Variants in IWS1 observed in about 807,000 individuals in gnomAD.
The protein encoded by IWS1 is protein IWS1 homolog.
In IWS1, 27 loss-of-function variants were observed where a neutral mutation model predicts 86.7. The ratio of observed to expected loss-of-function variants is 0.31; its 90% CI spans 0.23 to 0.43. The LOEUF is 0.43. IWS1 is among the 20% of genes least tolerant of loss of function. The pLI is 1.00. For synonymous variants in IWS1, 313 were observed against 335.1 expected, an observed-to-expected ratio of 0.93 and a Z score of 0.72; for missense variants, 827 against 1,000.8, an observed-to-expected ratio of 0.83 and a Z score of 2.34.
intron 13 of IWS1, among the ~76,000 whole-genome samples, chr2:127,485,598 T>A (rs1180635483): frequency 1.3e-5 from 2 of 152,188 alleles, no homozygotes; most frequent in African/African-American, 4.8e-5. Flanking sequence ...CAAAAACCTT[T>A]TTCATAAAAA....
intron 8 of IWS1, among the ~76,000 whole-genome samples, chr2:127,493,642 A>G (rs1690350555): frequency 1.3e-5 from 2 of 152,188 alleles, no homozygotes; most frequent in Non-Finnish European, 2.9e-5. Context: ...AAACAAACTC[A>G]AGTTACACAA....
Position 127,503,561 on chromosome 2 carries a change from C to A in IWS1, c.1235G>T (p.Arg412Leu). 2 of 1,587,878 alleles carry A rather than the reference C, an allele frequency of 1.3e-6. No homozygotes were observed. Among genetic ancestry groups the A allele is most frequent in the Admixed American group, 1.8e-5 (1 of 56,934 alleles). The change falls in exon 4 of 14, where the codon CGT becomes CTT. Residue 412 changes from arginine (R) to leucine (L), a missense_variant. Arg to Leu is a moderately radical substitution (Grantham distance 102, BLOSUM62 -2). This residue lies in a region of IWS1 where 548 missense variants were observed against 560.2 expected (regional missense o/e 0.98). Transcript: ENST00000295321. ...AGAGTCATCTGCATCAGAGACAACA[C>A]GACTCTTCTTTGCTGCTGTTGAAAA... ...DEEKASAKKS[R>L]VVSDADDSDS...
At chr2:127,523,937 G>A in intron 1 of IWS1, 146 bp from the exon 2 acceptor site, 1 of 604,760 alleles carries the variant, frequency 1.7e-6, no homozygotes, top group Non-Finnish European at 2.9e-6. Flanking sequence ...TTTGAATAAG[G>A]TAATACAATA....
chr2:127,525,755 C>T (rs1692369086), intron 1 of IWS1, among the ~76,000 whole-genome samples: 1 of 152,208 alleles, frequency 6.6e-6, no homozygotes, highest in African/African-American at 2.4e-5. Context: ...ATGGGTCCTG[C>T]ACTTACGTCC....
At chr2:127,503,260 G>T in intron 4 of IWS1, 127 bp downstream of exon 4, 1 of 679,312 alleles carries the variant, frequency 1.5e-6, no homozygotes, top group Non-Finnish European at 2.5e-6. Context: ...AGTGTGTTCA[G>T]TTCAGGAACT....
rs969319265 is a variant in IWS1, at chr2:127,481,256, T to A, written c.2329-81A>T. On this transcript the variant is annotated intron_variant, in intron 13 of 13. Transcript: ENST00000295321. Reference sequence around the variant, plus strand: ...TGTCTTTCATCTTCTTATAACTGAGTTAGCAACCAGAAGAGCTTCTAGCTC... The same window carrying A: ...TGTCTTTCATCTTCTTATAACTGAGATAGCAACCAGAAGAGCTTCTAGCTC... The A allele has an allele frequency of 3.6e-5, 48 of 1,323,654 alleles. 1 individual carries two copies. In the African/African-American group the frequency reaches 7.0e-4, roughly 19 times the overall value. 82.0% of individuals were successfully genotyped at this position (1,323,654 alleles called of 1,614,324 possible).
At chr2:127,502,779 A>G (rs1690889112) in intron 5 of IWS1, 36 bp downstream of exon 5, 2 of 1,204,830 alleles carry the variant, frequency 1.7e-6, no homozygotes, top group Non-Finnish European at 2.4e-6. Context: ...AAAAAAAAGC[A>G]CAATCAAGGA....
In IWS1 at chr2:127,481,091, C is replaced by A; in HGVS notation, c.2413G>T (p.Ala805Ser). 6.2e-7 allele frequency: 1 copy of A among 1,612,240 alleles called. No homozygotes were observed. Among genetic ancestry groups the A allele is most frequent in the South Asian group, 1.1e-5 (1 of 90,720 alleles). The change falls in exon 14 of 14, where the codon GCA becomes TCA. Residue 805 changes from alanine (A) to serine (S), a missense_variant. By Grantham distance (99) the Ala-to-Ser change is moderately conservative (BLOSUM62 1). Around this residue, in one of 2 missense-constraint regions of IWS1, gnomAD observed 279 missense variants for 440.6 expected, o/e 0.63. Transcript: ENST00000295321. ...FTDIRKKSRS[A>S]HAVKISIEGN... ...TCAATGCTGATTTTCACTGCGTGTG[C>A]AGATCTGCTTTTTTTCCTTATATCT...
chr2:127,525,973 A>C (rs1692385042), intron 1 of IWS1, among the ~76,000 whole-genome samples: 1 of 152,250 alleles, frequency 6.6e-6, no homozygotes, highest in South Asian at 2.1e-4. Flanking sequence ...GATTCAGAAG[A>C]AAGCTTTCCC....
chr2:127,519,165 T>C (rs1206151124), intron 2 of IWS1, among the ~76,000 whole-genome samples: 2 of 152,160 alleles, frequency 1.3e-5, no homozygotes, highest in Non-Finnish European at 2.9e-5. Context: ...GAGATGTTAT[T>C]AGAAATGGCC....
intron 13 of IWS1, chr2:127,482,476 A>G (rs1689681171): frequency 6.6e-6 from 1 of 152,258 alleles, no homozygotes; most frequent in South Asian, 2.1e-4. Flanking sequence ...ACTATCTCCC[A>G]GATTTCCTGG....
intron 2 of IWS1, among the ~76,000 whole-genome samples, chr2:127,518,384 C>T (rs181767033): frequency 6.6e-6 from 1 of 152,140 alleles, no homozygotes; most frequent in East Asian, 1.9e-4. Flanking sequence ...GGCATACTGG[C>T]GCATGCCTGT....
chr2:127,512,151 T>C (rs1346836715), intron 2 of IWS1, among the ~76,000 whole-genome samples: 5 of 152,196 alleles, frequency 3.3e-5, no homozygotes, highest in Admixed American at 6.5e-5. Flanking sequence ...GGTACTTCTA[T>C]ATATAGATAA....
At position 127,526,427 on chromosome 2, in the gene IWS1, C is replaced by T; in HGVS notation, c.-219G>A. On this transcript the variant is annotated 5_prime_UTR_variant, in exon 1 of 14. Transcript: ENST00000295321. ...AGGCCGTACCCGGCAGGCTGGCGGG[C>T]GGGCAGGCATGCGAGCCGGCGTTCT... 1 of 1,535,190 alleles carries T rather than the reference C, an allele frequency of 6.5e-7. No individual in the cohort carries two copies. The highest frequency in any genetic ancestry group is 8.7e-7 in the Non-Finnish European group (1 of 1,144,382).
rs1334996724 is a variant in IWS1 at position 127,505,150 on chromosome 2, T to C, written c.753A>G (p.Glu251=). The C allele has an allele frequency of 1.9e-6, 3 of 1,611,434 alleles. No individual in the cohort carries two copies. Among genetic ancestry groups the C allele is most frequent in the Non-Finnish European group, 2.5e-6 (3 of 1,178,332 alleles). Residue 251 remains glutamate, a synonymous_variant, in exon 3 of 14, where the codon GAA becomes GAG. Transcript: ENST00000295321. The surrounding 1 kb of genome is among the most constrained non-coding windows in gnomAD (Gnocchi z 5.0). ...CCTGGTGCCTCGGAGGGTCCTCACT[T>C]TCTGAGTCACTGATACGAGGTTTGG... The part of the protein sequence containing the change: ...ELPKPRISDS[E]SEDPPRHQAS...
chr2:127,508,325 G>C (rs1415893362), intron 2 of IWS1, among the ~76,000 whole-genome samples: 1 of 147,822 alleles, frequency 6.8e-6, no homozygotes, highest in Non-Finnish European at 1.5e-5. Context: ...AAGTGTACTG[G>C]AAGTGCATCT....
At chr2:127,501,740 A>G (rs1366206930) in intron 5 of IWS1, 1 of 149,626 alleles carries the variant, frequency 6.7e-6, no homozygotes, top group East Asian at 2.0e-4. Flanking sequence ...TTTCTTTTCA[A>G]ACAGGGCCTC....
upstream of IWS1, chr2:127,526,664 C>A: frequency 7.6e-7 from 1 of 1,319,632 alleles, no homozygotes. Flanking sequence ...GGTCTGACCC[C>A]CGTGGTAATA....
intron 13 of IWS1, among the ~76,000 whole-genome samples, chr2:127,483,629 TGC>T (rs1370839574): frequency 1.7e-4 from 8 of 47,212 alleles, no homozygotes; most frequent in African/African-American, 3.1e-4. Context: ...TGTGTGCGTG[TGC>T]GTGTGTGTGT....
Sources: allele counts gnomAD v4.1 joint callset (sites outside exome capture counted in the v4.1 genomes callset), GRCh38; gene constraint gnomAD v4.1.1; regional missense constraint gnomAD v4.1.1; non-coding constraint Gnocchi (gnomAD v3.1); transcripts MANE v1.5; gene names NCBI Gene and HGNC (gene_info 2026-07-23, HGNC 2026-07-21).